B9D1: variants seen among roughly 807,000 people sequenced by gnomAD.
The protein encoded by B9D1 is B9 domain-containing protein 1.
In B9D1, 20 loss-of-function variants were observed where a neutral mutation model predicts 26.1. That is an observed-to-expected ratio of 0.77 (90% CI 0.54 to 1.12). The LOEUF (loss-of-function observed/expected upper bound fraction) is 1.12, where lower values mean the gene tolerates loss of function less well. Among genes scored for constraint, B9D1 ranks in the 50% most tolerant of loss-of-function variants. B9D1 has a pLI of 0.00. For synonymous variants in B9D1, 105 were observed against 103.1 expected (o/e 1.02, Z -0.11); for missense variants, 260 against 273.7 (o/e 0.95, Z 0.35).
At position 19,362,695 on chromosome 17, in the gene B9D1, A is replaced by G; in HGVS notation, c.-126T>C. 1.3e-6 allele frequency: 2 copies of G among 1,534,704 alleles called. No individual in the cohort carries two copies. The highest frequency in any genetic ancestry group is 8.8e-7 in the Non-Finnish European group (1 of 1,142,448). On this transcript the variant is annotated 5_prime_UTR_variant, in exon 1 of 7. Coordinates refer to ENST00000261499, the MANE Select transcript of B9D1 (RefSeq NM_015681.6). ...GTTTCTTGGCAGCGACACCTTCGCGAAGGCCACGCGAGTGCGCGTGTGGCA... is the reference window on the plus strand; with the variant it reads ...GTTTCTTGGCAGCGACACCTTCGCGGAGGCCACGCGAGTGCGCGTGTGGCA...
Position 19,343,252 on chromosome 17 carries a change from G to T in B9D1, c.*67C>A. ...TGGCCACCAGGCTGCCCCTCAGGCCGATGGGCAGCGGCTGACTTCGGGAAG... is the reference window on the plus strand; with the variant it reads ...TGGCCACCAGGCTGCCCCTCAGGCCTATGGGCAGCGGCTGACTTCGGGAAG... On this transcript the variant is annotated 3_prime_UTR_variant, in exon 7 of 7. Coordinates refer to ENST00000261499, the MANE Select transcript of B9D1 (RefSeq NM_015681.6). 2 of 1,610,768 alleles carry T rather than the reference G, an allele frequency of 1.2e-6. No individual in the cohort carries two copies. The highest frequency in any genetic ancestry group is 1.1e-5 in the South Asian group (1 of 90,804).
chr17:19,335,232 A>G (rs542958262), downstream of B9D1: 4 of 514,018 alleles, frequency 7.8e-6, no homozygotes, highest in African/African-American at 5.8e-5. Context: ...TCCTTTCTTT[A>G]GCTCCTGTTT....
intron 5 of B9D1, 57 bp from the exon 6 acceptor site, chr17:19,343,914 G>T: frequency 1.2e-6 from 2 of 1,610,316 alleles, no homozygotes; most frequent in Non-Finnish European, 1.7e-6. Context: ...TCCTGGTCTT[G>T]GACGACACTG....
intron 3 of B9D1, among the ~76,000 whole-genome samples, chr17:19,351,792 A>G (rs1423748897): frequency 6.6e-6 from 1 of 152,244 alleles, no homozygotes; most frequent in Non-Finnish European, 1.5e-5. Context: ...TGCCAAATGT[A>G]TAGCAAATGG....
intron 3 of B9D1, among the ~76,000 whole-genome samples, chr17:19,354,006 GACTTTA>G (rs1196427954): frequency 6.6e-6 from 1 of 152,116 alleles, no homozygotes; most frequent in Non-Finnish European, 1.5e-5. Flanking sequence ...CTCTATCCAT[GACTTTA>G]ACTGCCCCCT....
downstream of B9D1, among the ~76,000 whole-genome samples, chr17:19,342,472 C>T (rs1352393028): frequency 6.6e-6 from 1 of 152,062 alleles, no homozygotes; most frequent in African/African-American, 2.4e-5. Context: ...GGCTGGGGCA[C>T]CATGTCTGCC....
Position 19,343,210 on chromosome 17 carries a change from CTG to C in B9D1, c.*107_*108del. 6.4e-7 allele frequency: 1 copy of C among 1,564,490 alleles called. No individual in the cohort carries two copies. Among genetic ancestry groups the C allele is most frequent in the Non-Finnish European group, 8.6e-7 (1 of 1,161,330 alleles). On this transcript the variant is annotated 3_prime_UTR_variant, in exon 7 of 7. Transcript: ENST00000261499. Reference sequence around the variant, plus strand: ...TGAGACTTTATTATACAAAACTATTCTGTGTGCCCCCAGCTCTGGCCACCAGG... The same window carrying C: ...TGAGACTTTATTATACAAAACTATTCTGTGCCCCCAGCTCTGGCCACCAGG...
chr17:19,360,346 A>T lies in B9D1; in HGVS notation c.106T>A (p.Tyr36Asn). The change falls in exon 2 of 7, where the codon TAC (tyrosine) becomes AAC (asparagine). Residue 36 changes from tyrosine (Y) to asparagine (N), a missense_variant. Transcript: ENST00000261499. ...GCTGTGGGGGCCCAGTCCTGGCCGT[A>T]CACAAAGCAGTACTTGCAGTAGAGG... Reference protein sequence around the residue: ...DDLYCKYCFVYGQDWAPTAGL... With the variant: ...DDLYCKYCFVNGQDWAPTAGL... 1 of 1,614,024 alleles carries T rather than the reference A, an allele frequency of 6.2e-7. No homozygotes were observed. The highest frequency in any genetic ancestry group is 1.1e-5 in the South Asian group (1 of 91,084).
chr17:19,361,501 CG>C (rs113238460), intron 1 of B9D1, among the ~76,000 whole-genome samples: 2 of 151,720 alleles, frequency 1.3e-5, no homozygotes, highest in Admixed American at 6.6e-5. Context: ...GTGTGTGTGG[CG>C]GGGGGGTCGC....
At chr17:19,342,764 G>A (rs551858366), downstream of B9D1, among the ~76,000 whole-genome samples, 9 of 152,274 alleles carry the variant, frequency 5.9e-5, no homozygotes, top group East Asian at 9.7e-4. Flanking sequence ...GGGGGGCAGA[G>A]AGGGGAGTGG....
downstream of B9D1, among the ~76,000 whole-genome samples, chr17:19,339,168 C>G (rs1239601343): frequency 6.6e-6 from 1 of 151,474 alleles, no homozygotes; most frequent in East Asian, 1.9e-4. Flanking sequence ...TGAATCTTAC[C>G]TTTTCTCATT....
At chr17:19,354,733 G>A (rs191261600) in intron 3 of B9D1, among the ~76,000 whole-genome samples, 149 of 152,258 alleles carry the variant, frequency 9.8e-4, no homozygotes, top group Non-Finnish European at 1.6e-3. Flanking sequence ...GGAGGCTGAG[G>A]CGGAGAATTG....
downstream of B9D1, chr17:19,335,617 G>A: frequency 1.6e-6 from 1 of 624,626 alleles, no homozygotes; most frequent in East Asian, 3.1e-5. Context: ...GCTAAGACAG[G>A]GGTGGGGGGC....
intron 1 of B9D1, among the ~76,000 whole-genome samples, chr17:19,367,998 G>GTGGGTAGGGCTGGGCCCTC (rs1911686433): frequency 1.3e-5 from 2 of 152,250 alleles, no homozygotes. Flanking sequence ...CTGAGGCCTT[G>GTGGGTAGGGCTGGGCCCTC]TGGGTAGGGC....
At chr17:19,363,385 A>G (rs1356786366), upstream of B9D1, among the ~76,000 whole-genome samples, 1 of 152,254 alleles carries the variant, frequency 6.6e-6, no homozygotes, top group Admixed American at 6.5e-5. Context: ...CTGTCAAGAT[A>G]CAGTCTTGTA....
At position 19,372,304 on chromosome 17, in the gene B9D1, C is replaced by T. The variant is rs996323208; in HGVS notation, c.-298+5555G>A. 1 of 152,308 alleles carries T rather than the reference C, an allele frequency of 6.6e-6. No homozygotes were observed. The highest frequency in any genetic ancestry group is 1.5e-5 in the Non-Finnish European group (1 of 68,074). The allele number at this position is 152,308 out of a possible 1,614,324, so 9.4% of individuals were successfully genotyped here. A position where few individuals can be genotyped will look rare whatever the true frequency, so the allele number is the denominator to read the frequency against. Reference sequence around the variant, plus strand: ...ATCCCCACTTCACAGATGAGGAACTCGAGGTCAGGGCTGTCAGTCTTGGCT... The same window carrying T: ...ATCCCCACTTCACAGATGAGGAACTTGAGGTCAGGGCTGTCAGTCTTGGCT... On this transcript the variant is annotated intron_variant, in intron 1 of 5. Coordinates refer to the B9D1 transcript ENST00000477478. This position sits in a 1 kb window ranked among gnomAD's most constrained non-coding sequence, Gnocchi z 4.4.
rs529182605 is a variant in B9D1 at position 19,362,648 on chromosome 17, G to C, written c.-79C>G. On this transcript the variant is annotated 5_prime_UTR_variant, in exon 1 of 7. Transcript: ENST00000261499. ...AGACGCCGGCGTTGCCCTAGAAACA[G>C]ACGGCGTAGCGCGCAGGACACGTTT... The C allele has an allele frequency of 7.1e-6, 11 of 1,554,582 alleles. No homozygotes were observed. In the East Asian group the frequency reaches 2.6e-4, roughly 37 times the overall value.
At chr17:19,340,769 A>C (rs576041768), downstream of B9D1, 3 of 141,050 alleles carry the variant, frequency 2.1e-5, no homozygotes, top group African/African-American at 8.0e-5. Context: ...AGCCTGGGCG[A>C]CAGAGTAAGA....
downstream of B9D1, chr17:19,335,620 T>G: frequency 9.0e-5 from 46 of 510,370 alleles, no homozygotes; most frequent in East Asian, 1.5e-4. Flanking sequence ...AAGACAGGGG[T>G]GGGGGGCTAA....
Sources: gnomAD v4.1 joint callset for allele counts (sites outside exome capture counted in the v4.1 genomes callset) on GRCh38, gnomAD v4.1.1 for gene constraint, Gnocchi (gnomAD v3.1) non-coding constraint, MANE v1.5 for transcripts, NCBI Gene and HGNC (gene_info 2026-07-23, HGNC 2026-07-21) for gene names.